ATRNL1: variants seen among roughly 807,000 people sequenced by gnomAD.
ATRNL1 encodes attractin-like protein 1.
ATRNL1 carries 95 observed loss-of-function variants against 182.7 expected under a neutral mutation model. That is an observed-to-expected ratio of 0.52 (90% CI 0.44 to 0.62). ATRNL1 has a LOEUF of 0.62. ATRNL1 is among the 20% of genes least tolerant of loss of function. ATRNL1 has a pLI of 0.00. For missense variants in ATRNL1, 1,471 were observed against 1,679.5 expected, an observed-to-expected ratio of 0.88 and a Z score of 2.17; for synonymous variants, 576 against 568.3, an observed-to-expected ratio of 1.01 and a Z score of -0.19.
intron 6 of ATRNL1, among the ~76,000 whole-genome samples, chr10:115,160,917 A>G (rs1332949506): frequency 2.0e-5 from 3 of 151,988 alleles, no homozygotes; most frequent in Non-Finnish European, 4.4e-5. Context: ...CCTGGACAGT[A>G]TGGCATAATG....
At chr10:115,678,237 T>G (rs1945930367) in intron 26 of ATRNL1, among the ~76,000 whole-genome samples, 1 of 152,150 alleles carries the variant, frequency 6.6e-6, no homozygotes, top group Non-Finnish European at 1.5e-5. Flanking sequence ...CACATCAAGC[T>G]AAAACATTAT....
intron 26 of ATRNL1, among the ~76,000 whole-genome samples, chr10:115,639,088 A>C (rs1350085494): frequency 3.3e-5 from 5 of 152,226 alleles, no homozygotes; most frequent in Non-Finnish European, 7.3e-5. Flanking sequence ...AGAAATCCCC[A>C]CCAAAATACA....
At chr10:115,906,956 T>C (rs570547872) in intron 28 of ATRNL1, among the ~76,000 whole-genome samples, 2 of 134,766 alleles carry the variant, frequency 1.5e-5, no homozygotes, top group African/African-American at 7.8e-5. Context: ...GCATTTCCTT[T>C]AAATATGATG....
intron 1 of ATRNL1, among the ~76,000 whole-genome samples, 160 bp downstream of exon 1, chr10:115,094,203 G>A (rs922435271): frequency 5.9e-5 from 9 of 151,552 alleles, no homozygotes; most frequent in African/African-American, 1.9e-4. Context: ...AGTGGGGCCC[G>A]CGCCGCGCCC....
chr10:115,778,881 A>G (rs1026252914), intron 27 of ATRNL1, among the ~76,000 whole-genome samples: 6 of 152,352 alleles, frequency 3.9e-5, no homozygotes, highest in Non-Finnish European at 7.3e-5. Flanking sequence ...GAGCTATTTC[A>G]GAGGATAAAG....
chr10:115,768,647 T>C (rs1393059646), intron 27 of ATRNL1, among the ~76,000 whole-genome samples: 1 of 152,188 alleles, frequency 6.6e-6, no homozygotes, highest in African/African-American at 2.4e-5. Flanking sequence ...ATGTATCTTC[T>C]TCACTTTACC....
At chr10:115,200,252 G>A (rs1457834475) in intron 8 of ATRNL1, among the ~76,000 whole-genome samples, 1 of 148,744 alleles carries the variant, frequency 6.7e-6, no homozygotes, top group East Asian at 2.0e-4. Flanking sequence ...TATACTTTAA[G>A]TTTTAGGGTA....
intron 27 of ATRNL1, among the ~76,000 whole-genome samples, chr10:115,777,646 A>T (rs1949160434): frequency 6.6e-6 from 1 of 152,300 alleles, no homozygotes; most frequent in Admixed American, 6.5e-5. Context: ...CTAACTGAAT[A>T]TACTGTTTTC....
intron 25 of ATRNL1, among the ~76,000 whole-genome samples, chr10:115,548,329 T>G (rs1852784218): frequency 6.6e-6 from 1 of 152,208 alleles, no homozygotes; most frequent in Non-Finnish European, 1.5e-5. Flanking sequence ...TTCTAAGGTC[T>G]TCTGCTTCAA....
chr10:115,933,037 C>G (rs897118367), intron 28 of ATRNL1, among the ~76,000 whole-genome samples: 15 of 130,352 alleles, frequency 1.2e-4, no homozygotes, highest in African/African-American at 5.4e-4. Flanking sequence ...TTGCTCAGAT[C>G]CCTTGAGAGA....
At chr10:115,797,858 A>G (rs2134227132) in intron 27 of ATRNL1, among the ~76,000 whole-genome samples, 1 of 152,308 alleles carries the variant, frequency 6.6e-6, no homozygotes, top group Non-Finnish European at 1.5e-5. Flanking sequence ...GAGCAAATGC[A>G]AATTCTTCTC....
intron 10 of ATRNL1, among the ~76,000 whole-genome samples, chr10:115,262,858 G>T (rs1851448184): frequency 6.6e-6 from 1 of 151,960 alleles, no homozygotes; most frequent in South Asian, 2.1e-4. Flanking sequence ...AAGTCTGATA[G>T]AACTACATGT....
chr10:115,598,505 A>G (rs1429031164), intron 26 of ATRNL1, among the ~76,000 whole-genome samples: 1 of 151,432 alleles, frequency 6.6e-6, no homozygotes, highest in African/African-American at 2.4e-5. Flanking sequence ...CCAGGACTAC[A>G]GGCACACACC....
intron 1 of ATRNL1, among the ~76,000 whole-genome samples, chr10:115,111,124 G>T (rs1490731454): frequency 1.3e-5 from 2 of 152,182 alleles, no homozygotes; most frequent in Admixed American, 1.3e-4. Context: ...TTAGCCAAAA[G>T]GGGAAGAGAT....
At chr10:115,549,345 CTAGACAAAGTTATTACTTATATA>C (rs1414229584) in intron 25 of ATRNL1, 90 bp from the exon 26 acceptor site, 2 of 576,396 alleles carry the variant, frequency 3.5e-6, no homozygotes, top group Admixed American at 8.5e-5. Context: ...GATTGTTTAC[CTAGACAAAGTTATTACTTATATA>C]TATATGTATT....
chr10:115,488,414 A>T (rs1367330686), intron 24 of ATRNL1, among the ~76,000 whole-genome samples: 2 of 152,102 alleles, frequency 1.3e-5, no homozygotes, highest in Non-Finnish European at 2.9e-5. Flanking sequence ...TTATTGGTCT[A>T]TTTAGGGATT....
chr10:115,576,046 A>G (rs1224498924), intron 26 of ATRNL1, among the ~76,000 whole-genome samples: 2 of 152,046 alleles, frequency 1.3e-5, no homozygotes, highest in South Asian at 2.1e-4. Context: ...CTCCTGGCTC[A>G]TCTATGTTGC....
intron 20 of ATRNL1, among the ~76,000 whole-genome samples, chr10:115,409,983 C>T (rs1554959476): frequency 6.6e-6 from 1 of 152,100 alleles, no homozygotes; most frequent in African/African-American, 2.4e-5. Flanking sequence ...TTGAGATTAT[C>T]ATATGGCTTT....
In ATRNL1 at chr10:115,452,702, A is replaced by G. The variant is rs115143786; in HGVS notation, c.3323-9239A>G. Among the ~76,000 whole-genome samples the G allele has an allele frequency of 5.9e-3, 898 of 152,282 alleles. 11 individuals are homozygous for G. Among genetic ancestry groups the G allele is most frequent in the African/African-American group, 0.021 (857 of 41,588 alleles). ...ATTTAATTAATTTTCTTAAAACTTA[A>G]TATAAGACCTAACTTGTTAGCAAAT... On this transcript the variant is annotated intron_variant, in intron 21 of 28. Transcript: ENST00000355044.
Sources: allele counts gnomAD v4.1 joint callset (sites outside exome capture counted in the v4.1 genomes callset), GRCh38; gene constraint gnomAD v4.1.1; transcripts MANE v1.5; gene names NCBI Gene and HGNC (gene_info 2026-07-23, HGNC 2026-07-21).